The following ZNF420 variants were observed in gnomAD, a reference collection of about 807,000 sequenced individuals.
ZNF420 encodes zinc finger protein 420.
A neutral mutation model predicts 44.7 loss-of-function variants in ZNF420; 31 were observed. The ratio of observed to expected loss-of-function variants is 0.69; its 90% CI spans 0.52 to 0.94. The LOEUF (loss-of-function observed/expected upper bound fraction) is 0.94, where lower values mean the gene tolerates loss of function less well. ZNF420 is among the 40% of genes least tolerant of loss of function. The pLI is 0.00. For synonymous variants in ZNF420, 245 were observed against 267.4 expected (o/e 0.92, Z 0.82); for missense variants, 681 against 827.9 (o/e 0.82, Z 2.18).
At chr19:37,081,700 A>ATTTTTTTTTTT (rs35066350) in intron 2 of ZNF420, among the ~76,000 whole-genome samples, 3 of 66,914 alleles carry the variant, frequency 4.5e-5, no homozygotes, top group African/African-American at 1.8e-4. Context: ...TAATTTTTGT[A>ATTTTTTTTTTT]TTTTTTTTTT....
intron 4 of ZNF420, among the ~76,000 whole-genome samples, chr19:37,103,980 CT>C (rs59756045): frequency 0.45 from 62,495 of 138,846 alleles, 12,269 homozygotes; most frequent in Middle Eastern, 0.49. Flanking sequence ...TTTTTTTTGT[CT>C]TTTTTTTTTT....
chr19:37,084,287 A>G (rs1279072311), intron 2 of ZNF420, among the ~76,000 whole-genome samples: 2 of 152,116 alleles, frequency 1.3e-5, no homozygotes, highest in Non-Finnish European at 2.9e-5. Context: ...CTTCCTTTAT[A>G]TGTTTAACCT....
chr19:37,045,150 T>C (rs1258781272), intron 1 of ZNF420, among the ~76,000 whole-genome samples: 2 of 152,232 alleles, frequency 1.3e-5, no homozygotes, highest in Non-Finnish European at 2.9e-5. Context: ...CAATTTTCTA[T>C]TAAATTAGGA....
At chr19:37,050,433 TC>T in intron 1 of ZNF420, among the ~76,000 whole-genome samples, 2 of 152,326 alleles carry the variant, frequency 1.3e-5, no homozygotes, top group South Asian at 4.1e-4. Flanking sequence ...GTCCTTCATG[TC>T]CCTTGTAAGT....
At chr19:37,107,988 C>T (rs1048194620) in intron 4 of ZNF420, among the ~76,000 whole-genome samples, 4 of 152,128 alleles carry the variant, frequency 2.6e-5, no homozygotes, top group South Asian at 2.1e-4. Flanking sequence ...AAAAATCTGA[C>T]GTATTCCAGT....
At chr19:37,032,084 C>T (rs1382403218) in intron 1 of ZNF420, among the ~76,000 whole-genome samples, 1 of 152,114 alleles carries the variant, frequency 6.6e-6, no homozygotes, top group Admixed American at 6.5e-5. Context: ...GTGGCTAACG[C>T]CTGTAATCCC....
intron 1 of ZNF420, among the ~76,000 whole-genome samples, chr19:37,067,456 G>A (rs555605449): frequency 6.6e-6 from 1 of 152,232 alleles, no homozygotes; most frequent in Admixed American, 6.5e-5. Flanking sequence ...CTGGATACAA[G>A]GCTAATTATT....
At chr19:37,051,362 G>A (rs575834839) in intron 1 of ZNF420, among the ~76,000 whole-genome samples, 2 of 152,072 alleles carry the variant, frequency 1.3e-5, no homozygotes, top group African/African-American at 4.8e-5. Flanking sequence ...GACTTTTTTT[G>A]GTTGTTAAGC....
intron 1 of ZNF420, among the ~76,000 whole-genome samples, chr19:37,048,800 T>C (rs1344011249): frequency 6.6e-6 from 1 of 152,106 alleles, no homozygotes; most frequent in Admixed American, 6.5e-5. Flanking sequence ...ATGTGCCATG[T>C]TGGTGTGCTG....
chr19:37,054,706 G>T (rs910694097), intron 1 of ZNF420, among the ~76,000 whole-genome samples: 8 of 152,204 alleles, frequency 5.3e-5, no homozygotes, highest in African/African-American at 1.9e-4. Context: ...GGTGCTCACT[G>T]TCATGCGCTG....
chr19:37,078,401 CCCGGA>C (rs2146468394), upstream of ZNF420: 1 of 152,376 alleles, frequency 6.6e-6, no homozygotes, highest in East Asian at 1.9e-4. Flanking sequence ...AGGCACCGCT[CCCGGA>C]GCGTAGCTTC....
At chr19:37,072,143 C>T (rs1949648207) in intron 1 of ZNF420, among the ~76,000 whole-genome samples, 1 of 152,168 alleles carries the variant, frequency 6.6e-6, no homozygotes, top group Admixed American at 6.5e-5. Flanking sequence ...CACCAAGACT[C>T]TTTCATTTCT....
At chr19:37,035,648 G>C (rs1372953749) in intron 1 of ZNF420, among the ~76,000 whole-genome samples, 1 of 152,146 alleles carries the variant, frequency 6.6e-6, no homozygotes, top group African/African-American at 2.4e-5. Flanking sequence ...TTGCTGTTGG[G>C]CCATGGTCAG....
upstream of ZNF420, among the ~76,000 whole-genome samples, chr19:37,076,132 T>A (rs1352135997): frequency 1.3e-5 from 2 of 152,188 alleles, no homozygotes; most frequent in African/African-American, 4.8e-5. Flanking sequence ...CCACATGGAA[T>A]CTATTCATCT....
At chr19:37,024,567 A>T (rs1967115997) in intron 1 of ZNF420, among the ~76,000 whole-genome samples, 1 of 152,060 alleles carries the variant, frequency 6.6e-6, no homozygotes, top group Non-Finnish European at 1.5e-5. Flanking sequence ...CTCCTGCCTC[A>T]GCCTCTCGAG....
At chr19:37,119,051 C>G (rs368269919) in intron 4 of ZNF420, among the ~76,000 whole-genome samples, 1 of 152,100 alleles carries the variant, frequency 6.6e-6, no homozygotes, top group South Asian at 2.1e-4. Flanking sequence ...GTCAACATTA[C>G]ACAGATCAGC....
At chr19:37,063,202 A>G (rs998061300) in intron 1 of ZNF420, among the ~76,000 whole-genome samples, 2 of 152,220 alleles carry the variant, frequency 1.3e-5, no homozygotes, top group Admixed American at 1.3e-4. Context: ...CTAATGCTAC[A>G]TCACCCCTGA....
chr19:37,050,459 T>A (rs930395938), intron 1 of ZNF420, among the ~76,000 whole-genome samples: 31 of 152,208 alleles, frequency 2.0e-4, no homozygotes, highest in Non-Finnish European at 3.2e-4. Flanking sequence ...TCCCTAGATA[T>A]TTTATTCTCT....
intron 2 of ZNF420, among the ~76,000 whole-genome samples, chr19:37,085,974 T>A (rs1968747526): frequency 7.3e-6 from 1 of 137,526 alleles, no homozygotes. Flanking sequence ...TTATTATTAT[T>A]ATTATTTTGT....
Sources: allele counts gnomAD v4.1 joint callset (sites outside exome capture counted in the v4.1 genomes callset), GRCh38; gene constraint gnomAD v4.1.1; transcripts MANE v1.5; gene names NCBI Gene and HGNC (gene_info 2026-07-23, HGNC 2026-07-21).